GALNTL6: variants seen among roughly 807,000 people sequenced by gnomAD.
GALNTL6 encodes the protein polypeptide N-acetylgalactosaminyltransferase like 6.
In GALNTL6, 46 loss-of-function variants were observed where a neutral mutation model predicts 73.7. The observed-to-expected ratio is 0.62, with a 90% CI of 0.49 to 0.80. GALNTL6 has a LOEUF of 0.80. GALNTL6 is among the 30% of genes least tolerant of loss of function. The probability of loss-of-function intolerance (pLI) is 0.00; values close to 1 mark genes in which losing one functional copy is unlikely to be tolerated. For missense variants in GALNTL6, 604 were observed against 755.0 expected (o/e 0.80, Z 2.34); for synonymous variants, 259 against 263.7 (o/e 0.98, Z 0.17).
At chr4:172,691,082 C>T (rs1733253747) in intron 5 of GALNTL6, among the ~76,000 whole-genome samples, 1 of 152,170 alleles carries the variant, frequency 6.6e-6, no homozygotes, top group Non-Finnish European at 1.5e-5. Flanking sequence ...GATCAGTGAG[C>T]ACTGGAGGAG....
chr4:172,368,107 G>C (rs1407451312), intron 5 of GALNTL6, among the ~76,000 whole-genome samples: 1 of 152,068 alleles, frequency 6.6e-6, no homozygotes, highest in Non-Finnish European at 1.5e-5. Flanking sequence ...TTGGCCAGGC[G>C]CAGTGGCTCA....
At chr4:172,183,146 A>G (rs1240540600) in intron 2 of GALNTL6, among the ~76,000 whole-genome samples, 1 of 152,178 alleles carries the variant, frequency 6.6e-6, no homozygotes, top group East Asian at 1.9e-4. Context: ...TCTAAAAATT[A>G]TTTTATTCAA....
intron 4 of GALNTL6, among the ~76,000 whole-genome samples, chr4:172,319,011 T>C (rs1431147942): frequency 6.6e-6 from 1 of 152,200 alleles, no homozygotes; most frequent in Non-Finnish European, 1.5e-5. Context: ...TACGTTGCTC[T>C]GTAAGGTTTA....
At chr4:172,279,999 C>A (rs529197786) in intron 3 of GALNTL6, among the ~76,000 whole-genome samples, 1 of 152,096 alleles carries the variant, frequency 6.6e-6, no homozygotes. Flanking sequence ...ACGTATGAAC[C>A]TGCTCCACCT....
chr4:171,842,200 T>A (rs529942634), intron 2 of GALNTL6, among the ~76,000 whole-genome samples: 1 of 152,276 alleles, frequency 6.6e-6, no homozygotes, highest in South Asian at 2.1e-4. Flanking sequence ...TTCTAAATAT[T>A]TACAATTATA....
At chr4:172,344,627 A>G (rs1159094596) in intron 4 of GALNTL6, among the ~76,000 whole-genome samples, 1 of 152,198 alleles carries the variant, frequency 6.6e-6, no homozygotes, top group Non-Finnish European at 1.5e-5. Flanking sequence ...TGTTGACTGC[A>G]GGCTAACATC....
intron 5 of GALNTL6, among the ~76,000 whole-genome samples, chr4:172,712,039 G>A (rs1273226960): frequency 6.6e-6 from 1 of 152,142 alleles, no homozygotes; most frequent in Non-Finnish European, 1.5e-5. Flanking sequence ...AGCTAAGAGT[G>A]AATTAGGTAG....
At chr4:172,314,040 C>G (rs1354606315) in intron 4 of GALNTL6, among the ~76,000 whole-genome samples, 1 of 152,204 alleles carries the variant, frequency 6.6e-6, no homozygotes, top group African/African-American at 2.4e-5. Flanking sequence ...CTTTTGACTT[C>G]ATCTGTGCTT....
chr4:172,611,201 T>A (rs1738513705), intron 5 of GALNTL6, among the ~76,000 whole-genome samples: 1 of 152,112 alleles, frequency 6.6e-6, no homozygotes, highest in Non-Finnish European at 1.5e-5. Flanking sequence ...TATTGATATG[T>A]GCAGATTTGA....
At chr4:172,832,643 G>A (rs1742699791) in intron 7 of GALNTL6, among the ~76,000 whole-genome samples, 1 of 152,316 alleles carries the variant, frequency 6.6e-6, no homozygotes, top group East Asian at 1.9e-4. Flanking sequence ...CCTCCATAGT[G>A]TGTAATTCAC....
intron 4 of GALNTL6, among the ~76,000 whole-genome samples, chr4:172,324,834 A>G (rs1740888963): frequency 1.3e-5 from 2 of 151,046 alleles, no homozygotes; most frequent in Admixed American, 6.6e-5. Flanking sequence ...CTCATGAATC[A>G]AATATAAAAC....
intron 2 of GALNTL6, among the ~76,000 whole-genome samples, chr4:171,889,869 A>G (rs374725073): frequency 6.6e-6 from 1 of 152,126 alleles, no homozygotes; most frequent in African/African-American, 2.4e-5. Flanking sequence ...TCATTTTCTA[A>G]GACTCACATA....
chr4:171,977,876 C>T (rs1015778676), intron 2 of GALNTL6, among the ~76,000 whole-genome samples: 46 of 152,224 alleles, frequency 3.0e-4, no homozygotes, highest in Admixed American at 1.3e-3. Flanking sequence ...TCTATAATCA[C>T]AAGATAGATT....
chr4:172,521,158 G>T (rs934107914), intron 5 of GALNTL6, among the ~76,000 whole-genome samples: 20 of 152,010 alleles, frequency 1.3e-4, no homozygotes, highest in African/African-American at 4.8e-4. Context: ...GCACAGACTG[G>T]AGTATAAATA....
intron 2 of GALNTL6, among the ~76,000 whole-genome samples, chr4:172,081,856 TTTTC>T (rs1483503631): frequency 2.0e-5 from 3 of 148,402 alleles, no homozygotes; most frequent in Admixed American, 6.9e-5. Context: ...ATGTTTTCTT[TTTTC>T]TTTATTTATT....
At chr4:172,122,930 A>G (rs1235147423) in intron 2 of GALNTL6, among the ~76,000 whole-genome samples, 2 of 152,264 alleles carry the variant, frequency 1.3e-5, no homozygotes, top group Non-Finnish European at 2.9e-5. Context: ...GTAGGTAATA[A>G]GAACTCTAAA....
chr4:172,797,781 C>T (rs1470677387), intron 5 of GALNTL6, among the ~76,000 whole-genome samples: 2 of 151,252 alleles, frequency 1.3e-5, no homozygotes, highest in East Asian at 1.9e-4. Context: ...TCAGGTGATC[C>T]GCCAGCCTCG....
At chr4:172,138,236 A>G (rs1174168417) in intron 2 of GALNTL6, among the ~76,000 whole-genome samples, 1 of 151,504 alleles carries the variant, frequency 6.6e-6, no homozygotes, top group Non-Finnish European at 1.5e-5. Context: ...GATAGACTAT[A>G]CAGATTATTA....
At chr4:171,843,135 A>G (rs1219420698) in intron 2 of GALNTL6, among the ~76,000 whole-genome samples, 3 of 152,260 alleles carry the variant, frequency 2.0e-5, no homozygotes, top group East Asian at 3.9e-4. Context: ...GAAATCTTCT[A>G]TTAGTTTAGT....
Sources: gnomAD v4.1 joint callset for allele counts (sites outside exome capture counted in the v4.1 genomes callset) on GRCh38, gnomAD v4.1.1 for gene constraint, MANE v1.5 for transcripts, NCBI Gene and HGNC (gene_info 2026-07-23, HGNC 2026-07-21) for gene names.